BIRC6: variants seen among roughly 807,000 people sequenced by gnomAD.
BIRC6 encodes the protein dual E2 ubiquitin-conjugating enzyme/E3 ubiquitin-protein ligase BIRC6.
A neutral mutation model predicts 503.3 loss-of-function variants in BIRC6; 98 were observed. That is an observed-to-expected ratio of 0.19 (90% CI 0.17 to 0.23). The LOEUF is 0.23. Among genes scored for constraint, BIRC6 ranks in the 10% least tolerant of loss-of-function variants. The pLI is 1.00. For missense variants in BIRC6, 5,360 were observed against 5,806.0 expected, an observed-to-expected ratio of 0.92 and a Z score of 2.50; for synonymous variants, 2,240 against 2,078.7, an observed-to-expected ratio of 1.08 and a Z score of -2.11.
chr2:32,493,407 T>C (rs1208388379), intron 44 of BIRC6, 133 bp from the exon 45 acceptor site: 2 of 729,306 alleles, frequency 2.7e-6, no homozygotes, highest in Non-Finnish European at 4.2e-6. Flanking sequence ...GCTATCATTG[T>C]TAATACTTTT....
rs537105607 is a variant in BIRC6 at position 32,617,779 on chromosome 2, T to C, written c.14449T>C (p.Leu4817=). Residue 4817 remains leucine, a synonymous_variant, in exon 74 of 74, where the codon TTG becomes CTG. Coordinates refer to ENST00000421745, the MANE Select transcript of BIRC6 (RefSeq NM_016252.4). ...GCTGAAACTTCCCTGCCCTGAAGGC[T>C]TGGATCCTGACACTGACGATGCCCC... is the stretch of plus-strand genomic sequence containing the variant. The part of the protein sequence containing the change: ...ELLKLPCPEG[L]DPDTDDAPEV... 1.2e-6 allele frequency: 2 copies of C among 1,614,024 alleles called. No individual in the cohort carries two copies. Among genetic ancestry groups the C allele is most frequent in the East Asian group, 4.5e-5 (2 of 44,888 alleles).
chr2:32,560,418 C>T (rs1279255487), intron 65 of BIRC6, among the ~76,000 whole-genome samples: 1 of 152,010 alleles, frequency 6.6e-6, no homozygotes, highest in African/African-American at 2.4e-5. Flanking sequence ...TCTTCTATTT[C>T]CATAATGTAA....
intron 66 of BIRC6, among the ~76,000 whole-genome samples, chr2:32,592,462 C>T (rs1275917858): frequency 6.6e-6 from 1 of 152,186 alleles, no homozygotes; most frequent in African/African-American, 2.4e-5. Flanking sequence ...TTCCTACCCA[C>T]TTGAGTGGCT....
intron 65 of BIRC6, chr2:32,564,775 A>G (rs1573041226): frequency 6.6e-6 from 1 of 152,262 alleles, no homozygotes; most frequent in Admixed American, 6.5e-5. Context: ...TAGGATGGGA[A>G]ATGCTGACAT....
intron 57 of BIRC6, among the ~76,000 whole-genome samples, chr2:32,523,844 A>G (rs761350410): frequency 1.3e-5 from 2 of 152,180 alleles, no homozygotes; most frequent in Admixed American, 6.5e-5. Flanking sequence ...GCTTGAGCCC[A>G]GGATTTTGAC....
At chr2:32,518,759 A>G (rs1190295443) in intron 56 of BIRC6, 58 bp from the exon 57 acceptor site, 1 of 1,541,076 alleles carries the variant, frequency 6.5e-7, no homozygotes, top group East Asian at 2.3e-5. Context: ...AGATTATTTT[A>G]TAACAATATG....
intron 57 of BIRC6, chr2:32,523,103 A>G (rs1287601290): frequency 2.0e-5 from 3 of 152,180 alleles, no homozygotes; most frequent in African/African-American, 7.2e-5. Context: ...TTTCTAGTTA[A>G]GGTTATTTCA....
Position 32,617,932 on chromosome 2 carries a change from C to A in BIRC6, c.*28C>A, listed in dbSNP as rs762032095. 1.3e-6 allele frequency: 2 copies of A among 1,584,786 alleles called. No individual in the cohort carries two copies. Among genetic ancestry groups the A allele is most frequent in the South Asian group, 1.1e-5 (1 of 88,464 alleles). ...TGCATTGATGTGGACTTCATAGACA[C>A]AAAGGCTTCGAAGCACAAGCCAAAT... On this transcript the variant is annotated 3_prime_UTR_variant, in exon 74 of 74. Transcript: ENST00000421745.
intron 23 of BIRC6, among the ~76,000 whole-genome samples, chr2:32,458,244 C>T (rs1029978106): frequency 1.3e-5 from 2 of 152,050 alleles, no homozygotes; most frequent in Admixed American, 1.3e-4. Flanking sequence ...TGTGATGTTT[C>T]TACATGTGGT....
intron 51 of BIRC6, among the ~76,000 whole-genome samples, 168 bp downstream of exon 51, chr2:32,508,427 T>C (rs2054039619): frequency 6.6e-6 from 1 of 151,868 alleles, no homozygotes; most frequent in East Asian, 1.9e-4. Context: ...AGAGACAGTT[T>C]TGTGGAAACA....
At chr2:32,386,146 G>A (rs1390254566) in intron 3 of BIRC6, among the ~76,000 whole-genome samples, 1 of 152,112 alleles carries the variant, frequency 6.6e-6, no homozygotes, top group Non-Finnish European at 1.5e-5. Flanking sequence ...TGTGAGATGT[G>A]GTCTTAGGGA....
At chr2:32,549,724 T>C (rs1379604503) in intron 65 of BIRC6, among the ~76,000 whole-genome samples, 1 of 152,222 alleles carries the variant, frequency 6.6e-6, no homozygotes, top group African/African-American at 2.4e-5. Context: ...AAGTAAACTT[T>C]TTTTCCTTTT....
intron 63 of BIRC6, among the ~76,000 whole-genome samples, chr2:32,547,498 A>G (rs1028236482): frequency 6.6e-6 from 1 of 152,136 alleles, no homozygotes; most frequent in Non-Finnish European, 1.5e-5. Context: ...CATTTAGTAT[A>G]ATGTTTTCTA....
rs563936677 is a variant in BIRC6 at position 32,389,595 on chromosome 2, C to T, written c.839+652C>T. 6.6e-4 allele frequency among the ~76,000 whole-genome samples: 100 copies of T among 152,208 alleles called. 1 individual carries two copies. In the South Asian group the frequency reaches 0.016, roughly 25 times the overall value. On this transcript the variant is annotated intron_variant, in intron 4 of 73. Coordinates refer to ENST00000421745, the MANE Select transcript of BIRC6 (RefSeq NM_016252.4). The stretch of plus-strand genomic sequence containing the variant: ...TTAAATGATTTGCTATTTGAAATGA[C>T]GATTGAGGTTCTTACAAAAAGTACC...
rs779042129 is a variant in BIRC6, at chr2:32,482,533, A to C, written c.7647A>C (p.Ala2549=). The C allele has an allele frequency of 1.6e-5, 26 of 1,613,902 alleles. 1 individual carries two copies. The Admixed American group carries it at 4.2e-4, about 26-fold the overall frequency. The change falls in exon 39 of 74, where the codon GCA becomes GCC. Residue 2549 remains alanine (A), a synonymous_variant. Coordinates refer to ENST00000421745, the MANE Select transcript of BIRC6 (RefSeq NM_016252.4). ...GLGIPVAKPP[A]NTEKNGSQTV... Reference sequence around the variant, plus strand: ...GAATTCCTGTAGCAAAGCCACCAGCAAACACGGAGAAGAACGGATCACAGA... The same window carrying C: ...GAATTCCTGTAGCAAAGCCACCAGCCAACACGGAGAAGAACGGATCACAGA...
chr2:32,370,110 T>C (rs1158340944), intron 1 of BIRC6, among the ~76,000 whole-genome samples: 1 of 150,286 alleles, frequency 6.7e-6, no homozygotes, highest in African/African-American at 2.5e-5. Flanking sequence ...AAGTTCAGCA[T>C]CCTAAAGGAA....
intron 57 of BIRC6, among the ~76,000 whole-genome samples, chr2:32,519,761 G>C (rs778925392): frequency 6.6e-6 from 1 of 152,014 alleles, no homozygotes; most frequent in Non-Finnish European, 1.5e-5. Flanking sequence ...CAAGTGATCC[G>C]CCCACCTCGG....
rs116379029 is a variant in BIRC6 at position 32,439,221 on chromosome 2, T to C, written c.3632-287T>C. Among the ~76,000 whole-genome samples the C allele has an allele frequency of 5.5e-3, 834 of 152,114 alleles. 11 individuals carry two copies. Among genetic ancestry groups the C allele is most frequent in the African/African-American group, 0.019 (786 of 41,492 alleles). On this transcript the variant is annotated intron_variant, in intron 15 of 73. Coordinates refer to ENST00000421745, the MANE Select transcript of BIRC6 (RefSeq NM_016252.4). The stretch of plus-strand genomic sequence containing the variant: ...TATGTGTGTGTGTAGTTGATGACAT[T>C]TTTACCATTAAAATGAATAATATTG...
chr2:32,610,515 G>T (rs565216708), intron 72 of BIRC6, among the ~76,000 whole-genome samples: 2 of 152,342 alleles, frequency 1.3e-5, no homozygotes, highest in South Asian at 4.1e-4. Context: ...GGATTTCTGT[G>T]TGAATGCCTT....
Sources: gnomAD v4.1 joint callset for allele counts (sites outside exome capture counted in the v4.1 genomes callset) on GRCh38, gnomAD v4.1.1 for gene constraint, MANE v1.5 for transcripts, NCBI Gene and HGNC (gene_info 2026-07-23, HGNC 2026-07-21) for gene names.